Variants in SEC14L6 observed in about 807,000 individuals in gnomAD.
The protein encoded by SEC14L6 is SEC14-like protein 6.
Under a neutral mutation model 54.1 loss-of-function variants are expected in SEC14L6, and 40 were observed. The ratio of observed to expected loss-of-function variants is 0.74; its 90% CI spans 0.57 to 0.96. The LOEUF is 0.96. Ranked by LOEUF, SEC14L6 falls within the 40% of genes least tolerant of loss-of-function variation. SEC14L6 has a pLI of 0.00. For synonymous variants in SEC14L6, 171 were observed against 198.4 expected (o/e 0.86, Z 1.16); for missense variants, 471 against 498.3 (o/e 0.95, Z 0.52).
chr22:30,537,516 G>A (rs1157713787), intron 2 of SEC14L6, among the ~76,000 whole-genome samples: 1 of 152,168 alleles, frequency 6.6e-6, no homozygotes, highest in Non-Finnish European at 1.5e-5. Flanking sequence ...CTACTAGGGA[G>A]GCTGACGTGG....
intron 3 of SEC14L6, among the ~76,000 whole-genome samples, chr22:30,533,590 G>A (rs1162166553): frequency 4.5e-5 from 5 of 110,260 alleles, no homozygotes; most frequent in African/African-American, 1.4e-4. Flanking sequence ...GACAGAGCAA[G>A]ACTGTCTCAA....
intron 1 of SEC14L6, chr22:30,543,439 G>C: frequency 6.2e-7 from 1 of 1,611,090 alleles, no homozygotes; most frequent in Non-Finnish European, 8.5e-7. Context: ...GTTGGAGAAC[G>C]GCAATGTGTC....
intron 8 of SEC14L6, 91 bp from the exon 9 acceptor site, chr22:30,526,023 C>G: frequency 1.4e-6 from 2 of 1,453,228 alleles, no homozygotes; most frequent in Non-Finnish European, 1.9e-6. Context: ...CTTTGGCCAG[C>G]TGCTCTCCCT....
At chr22:30,543,749 T>C in intron 1 of SEC14L6, 1 of 1,577,604 alleles carries the variant, frequency 6.3e-7, no homozygotes, top group Non-Finnish European at 8.7e-7. Flanking sequence ...CTCTACCTCG[T>C]CCGAATCAGA....
chr22:30,543,280 G>C (rs1252359751), intron 1 of SEC14L6: 11 of 1,584,946 alleles, frequency 6.9e-6, no homozygotes, highest in Non-Finnish European at 8.7e-6. Flanking sequence ...CTTGCGGGGG[G>C]ACTCTTTTCG....
chr22:30,542,969 T>G, intron 1 of SEC14L6: 1 of 1,601,482 alleles, frequency 6.2e-7, no homozygotes, highest in Non-Finnish European at 8.5e-7. Context: ...GACGTGGAGT[T>G]GAAGTCTGGA....
At chr22:30,537,264 G>T (rs953634313) in intron 2 of SEC14L6, among the ~76,000 whole-genome samples, 1 of 152,040 alleles carries the variant, frequency 6.6e-6, no homozygotes, top group African/African-American at 2.4e-5. Flanking sequence ...AAATCAAGAT[G>T]GAGTCACCCA....
chr22:30,543,902 C>T (rs764280104), intron 1 of SEC14L6: 545 of 1,593,854 alleles, frequency 3.4e-4, no homozygotes, highest in Non-Finnish European at 4.3e-4. Flanking sequence ...CCCCGGGCCG[C>T]GGAGCCCAAC....
intron 6 of SEC14L6, among the ~76,000 whole-genome samples, chr22:30,530,230 T>C (rs1936925093): frequency 6.6e-6 from 1 of 151,874 alleles, no homozygotes; most frequent in African/African-American, 2.4e-5. Context: ...GGCAACATGG[T>C]GAAACCCCCT....
intron 1 of SEC14L6, chr22:30,543,464 CCT>C (rs930467704): frequency 1.6e-5 from 26 of 1,612,120 alleles, no homozygotes; most frequent in African/African-American, 2.7e-5. Flanking sequence ...ACAGAAACGG[CCT>C]CAACTCTTAC....
chr22:30,543,411 G>C (rs1394305766), intron 1 of SEC14L6: 2 of 1,605,402 alleles, frequency 1.2e-6, no homozygotes, highest in Non-Finnish European at 1.7e-6. Context: ...TCTACCCCCA[G>C]AGACTACAGT....
At chr22:30,528,119 C>T (rs868040337) in intron 8 of SEC14L6, among the ~76,000 whole-genome samples, 2,640 of 117,534 alleles carry the variant, frequency 0.022, 104 homozygotes, top group African/African-American at 0.074. Flanking sequence ...ACCTAGATTT[C>T]TTTTTTTTTT....
At position 30,525,736 on chromosome 22, in the gene SEC14L6, A is replaced by C; in HGVS notation, c.786T>G (p.Gly262=). The change falls in exon 10 of 12, where the codon GGT becomes GGG. Residue 262 remains glycine, a synonymous_variant. Transcript: ENST00000402034. ...ACAGGTAGTAGCTCTTGGGCACCTC[A>C]CCCCCGTAGTTGATCTGTGGGTGAA... is the stretch of plus-strand genomic sequence containing the variant. The part of the protein sequence containing the change: ...PKCLTKINYG[G]EVPKSYYLCK... 1 of 1,613,702 alleles carries C rather than the reference A, an allele frequency of 6.2e-7. No homozygotes were observed. The highest frequency in any genetic ancestry group is 8.5e-7 in the Non-Finnish European group (1 of 1,179,882).
At chr22:30,542,490 G>A (rs1348031690) in intron 1 of SEC14L6, 1 of 621,424 alleles carries the variant, frequency 1.6e-6, no homozygotes, top group Admixed American at 4.0e-5. Context: ...TTTGCGCAAA[G>A]TGGAGCGGGG....
intron 3 of SEC14L6, chr22:30,533,224 A>C: frequency 1.1e-6 from 1 of 905,582 alleles, no homozygotes; most frequent in Non-Finnish European, 1.3e-6. Flanking sequence ...AGGCCTGCAG[A>C]GCCTGGCTGA....
intron 8 of SEC14L6, among the ~76,000 whole-genome samples, chr22:30,527,427 A>G (rs1936812160): frequency 6.6e-6 from 1 of 152,138 alleles, no homozygotes; most frequent in South Asian, 2.1e-4. Flanking sequence ...TCCATTATAA[A>G]AAAGGCAAGA....
intron 2 of SEC14L6, among the ~76,000 whole-genome samples, chr22:30,536,334 T>C (rs1338942141): frequency 1.3e-5 from 2 of 151,962 alleles, no homozygotes; most frequent in East Asian, 3.9e-4. Context: ...GGTTTCATAG[T>C]GGTTTTCTTA....
chr22:30,525,355 C>T lies in SEC14L6; in HGVS notation c.1076G>A (p.Gly359Asp), dbSNP rs779227994. Reference protein sequence around the residue: ...EDGILTCLQAGSYVLRFYNTY... With the variant: ...EDGILTCLQADSYVLRFYNTY... Reference sequence around the variant, plus strand: ...CCATCCCTGCCAACTCTTACAGCTGCCGGCCTGGAGGCAGGTGAGAATCCC... The same window carrying T: ...CCATCCCTGCCAACTCTTACAGCTGTCGGCCTGGAGGCAGGTGAGAATCCC... Residue 359 changes from glycine to aspartate, a missense_variant, in exon 11 of 12, where the codon GGC becomes GAC. Transcript: ENST00000402034. The T allele has an allele frequency of 1.2e-6, 2 of 1,614,036 alleles. No homozygotes were observed. The highest frequency in any genetic ancestry group is 1.1e-5 in the South Asian group (1 of 91,058).
Position 30,538,838 on chromosome 22 carries a change from C to T in SEC14L6, c.119G>A (p.Arg40His), listed in dbSNP as rs372667798. 128 of 1,557,104 alleles carry T rather than the reference C, an allele frequency of 8.2e-5. No individual in the cohort carries two copies. The East Asian group carries it at 2.1e-3, about 26-fold the overall frequency. The change falls in exon 2 of 12, where the codon CGC becomes CAC. Residue 40 changes from arginine to histidine, a missense_variant. Transcript: ENST00000402034. Reference sequence around the variant, plus strand: ...CGCTCTATCCTTACCTTGGAGCCAGCGCAGGAGGAAGTAGTCATCAGGATT... The same window carrying T: ...CGCTCTATCCTTACCTTGGAGCCAGTGCAGGAGGAAGTAGTCATCAGGATT... Reference protein sequence around the residue: ...LPNPDDYFLLRWLQARSFDLQ... With the variant: ...LPNPDDYFLLHWLQARSFDLQ...
Sources: allele counts gnomAD v4.1 joint callset (sites outside exome capture counted in the v4.1 genomes callset), GRCh38; gene constraint gnomAD v4.1.1; transcripts MANE v1.5; gene names NCBI Gene and HGNC (gene_info 2026-07-23, HGNC 2026-07-21).